The following FAT3 variants were observed in gnomAD, a reference collection of about 807,000 sequenced individuals.
FAT3 encodes the protein FAT atypical cadherin 3.
FAT3 carries 95 observed loss-of-function variants against 310.2 expected under a neutral mutation model. The ratio of observed to expected loss-of-function variants is 0.31; its 90% confidence interval spans 0.26 to 0.36. FAT3 has a LOEUF of 0.36. Among genes scored for constraint, FAT3 ranks in the 10% least tolerant of loss-of-function variants. FAT3 has a pLI of 1.00. For synonymous variants in FAT3, 2,314 were observed against 2,192.9 expected (o/e 1.06, Z -1.54); for missense variants, 5,408 against 5,715.6 (o/e 0.95, Z 1.74).
chr11:92,756,200 A>G (rs560324445), intron 4 of FAT3, among the ~76,000 whole-genome samples: 1 of 152,376 alleles, frequency 6.6e-6, no homozygotes, highest in South Asian at 2.1e-4. Flanking sequence ...TCTGCAGATA[A>G]TACCAAACCC....
rs1470705181 is a variant in FAT3 at position 92,894,460 on chromosome 11, ATGTCTTT to A, written c.*3348_*3354del. 6.6e-6 allele frequency: 1 copy of A among 152,140 alleles called. No homozygotes were observed. Among genetic ancestry groups the A allele is most frequent in the African/African-American group, 2.4e-5 (1 of 41,426 alleles). The allele number at this position is 152,140 out of a possible 1,614,324, so 9.4% of individuals were successfully genotyped here. On this transcript the variant is annotated 3_prime_UTR_variant, in exon 28 of 28. Coordinates refer to ENST00000525166, the MANE Select transcript of FAT3 (RefSeq NM_001367949.2). The stretch of plus-strand genomic sequence containing the variant: ...ATGTGGAAACTATTTAAATCAATTA[ATGTCTTT>A]CTCATTTTTCGAACATGTATGTGCC...
intron 21 of FAT3, among the ~76,000 whole-genome samples, chr11:92,862,190 C>T (rs1289301367): frequency 6.6e-6 from 1 of 152,142 alleles, no homozygotes; most frequent in Non-Finnish European, 1.5e-5. Flanking sequence ...AAAGTCTAGA[C>T]CGAGGTGAAC....
intron 3 of FAT3, among the ~76,000 whole-genome samples, chr11:92,528,555 T>A (rs959679519): frequency 2.0e-5 from 3 of 152,054 alleles, no homozygotes; most frequent in African/African-American, 7.2e-5. Context: ...CCCGGCTAAT[T>A]TTTTGTATTT....
rs140043684 is a variant in FAT3 at position 92,805,023 on chromosome 11, T to C, written c.8897-130T>C. ...CCAAGAATCAAAGGGAGTCTCAGTA[T>C]CTTTGTAGTATCCTAAATGATACAG... On this transcript the variant is annotated intron_variant, in intron 10 of 27. Transcript: ENST00000525166. The C allele has an allele frequency of 8.6e-5, 70 of 810,458 alleles. 1 individual carries two copies. In the East Asian group the frequency reaches 1.9e-3, roughly 22 times the overall value. 50.2% of individuals were successfully genotyped at this position (810,458 alleles called of 1,614,324 possible).
intron 1 of FAT3, among the ~76,000 whole-genome samples, chr11:92,247,222 G>A (rs1208996134): frequency 2.0e-5 from 3 of 151,970 alleles, no homozygotes; most frequent in Non-Finnish European, 4.4e-5. Context: ...TTAGCAGGGT[G>A]GACCTTGAGC....
chr11:92,396,247 C>G (rs1949866395), intron 2 of FAT3, among the ~76,000 whole-genome samples: 1 of 152,114 alleles, frequency 6.6e-6, no homozygotes, highest in Non-Finnish European at 1.5e-5. Flanking sequence ...CATGAATCTA[C>G]TTTGTTCTGA....
intron 1 of FAT3, among the ~76,000 whole-genome samples, chr11:92,310,152 A>G (rs1005130390): frequency 6.6e-6 from 1 of 152,142 alleles, no homozygotes; most frequent in Non-Finnish European, 1.5e-5. Context: ...AATCTTTTCA[A>G]TGATTTCTGT....
chr11:92,747,627 G>A (rs1336510688), intron 4 of FAT3, among the ~76,000 whole-genome samples: 5 of 152,062 alleles, frequency 3.3e-5, no homozygotes, highest in South Asian at 2.1e-4. Context: ...CTTTTCTATC[G>A]CATTGTTAGG....
chr11:92,833,849 G>A (rs1948329427), intron 14 of FAT3, among the ~76,000 whole-genome samples: 1 of 152,160 alleles, frequency 6.6e-6, no homozygotes, highest in African/African-American at 2.4e-5. Context: ...GCACTAGTTA[G>A]CAAGACTGGG....
At chr11:92,614,505 G>C (rs1406109265) in intron 3 of FAT3, among the ~76,000 whole-genome samples, 3 of 152,104 alleles carry the variant, frequency 2.0e-5, no homozygotes, top group East Asian at 3.9e-4. Context: ...TAATGGTGTT[G>C]TGTATCTTTT....
At chr11:92,256,172 T>G (rs1429335440) in intron 1 of FAT3, among the ~76,000 whole-genome samples, 1 of 152,114 alleles carries the variant, frequency 6.6e-6, no homozygotes, top group East Asian at 1.9e-4. Context: ...TTGTTTCTCT[T>G]TGATTTAGGA....
intron 2 of FAT3, among the ~76,000 whole-genome samples, chr11:92,453,812 G>A (rs141086296): frequency 6.6e-6 from 1 of 152,184 alleles, no homozygotes; most frequent in Admixed American, 6.5e-5. Flanking sequence ...TAAGAAAAAC[G>A]CAGTGTTGTA....
At chr11:92,621,006 C>T (rs781668812) in intron 3 of FAT3, among the ~76,000 whole-genome samples, 8 of 152,160 alleles carry the variant, frequency 5.3e-5, no homozygotes, top group Non-Finnish European at 1.2e-4. Context: ...CATGCAGGCT[C>T]CACTCTAATT....
At chr11:92,726,033 G>A (rs911923975) in intron 4 of FAT3, among the ~76,000 whole-genome samples, 2 of 152,016 alleles carry the variant, frequency 1.3e-5, no homozygotes, top group African/African-American at 4.8e-5. Flanking sequence ...TATTTAAGGT[G>A]ATGGATATCT....
chr11:92,656,188 G>C lies in FAT3; in HGVS notation c.3608-41196G>C, dbSNP rs184553382. Among the ~76,000 whole-genome samples, 173 of 152,262 alleles carry C rather than the reference G, an allele frequency of 1.1e-3. 1 individual carries two copies. Among genetic ancestry groups the C allele is most frequent in the African/African-American group, 4.1e-3 (172 of 41,550 alleles). ...TCCTACTAGGAACTTTGATTACCAA[G>C]TCATCTTGGATATAGAAACAAAATT... On this transcript the variant is annotated intron_variant, in intron 3 of 27. Transcript: ENST00000525166.
At chr11:92,335,451 A>C (rs1948043342) in intron 1 of FAT3, among the ~76,000 whole-genome samples, 1 of 152,178 alleles carries the variant, frequency 6.6e-6, no homozygotes, top group East Asian at 1.9e-4. Context: ...ATTGTATGAA[A>C]TTATGTAGTC....
intron 4 of FAT3, among the ~76,000 whole-genome samples, chr11:92,731,773 C>G (rs1272205354): frequency 6.6e-6 from 1 of 151,494 alleles, no homozygotes; most frequent in African/African-American, 2.4e-5. Context: ...CGTCTGTATC[C>G]TCTCTTTATA....
chr11:92,521,205 A>T (rs1016393645), intron 2 of FAT3, among the ~76,000 whole-genome samples: 1 of 152,136 alleles, frequency 6.6e-6, no homozygotes, highest in Non-Finnish European at 1.5e-5. Flanking sequence ...TAGTCAGGCA[A>T]GGTGACAAAT....
chr11:92,226,349 T>C (rs1007618672), intron 1 of FAT3, among the ~76,000 whole-genome samples: 1 of 152,030 alleles, frequency 6.6e-6, no homozygotes, highest in African/African-American at 2.4e-5. Flanking sequence ...TTGAACATGA[T>C]TGGGCTTTGC....
Sources: allele counts gnomAD v4.1 joint callset (sites outside exome capture counted in the v4.1 genomes callset), GRCh38; gene constraint gnomAD v4.1.1; transcripts MANE v1.5; gene names NCBI Gene and HGNC (gene_info 2026-07-23, HGNC 2026-07-21).